Variants in XRCC4 observed in about 807,000 individuals in gnomAD.
XRCC4 encodes the protein X-ray repair cross complementing 4, also known as DNA repair protein XRCC4.
XRCC4 carries 28 observed loss-of-function variants against 39.1 expected under a neutral mutation model. The ratio of observed to expected loss-of-function variants is 0.72; its 90% CI spans 0.53 to 0.98. The LOEUF is 0.98. Among genes scored for constraint, XRCC4 ranks in the 50% least tolerant of loss-of-function variants. The pLI is 0.00. For synonymous variants in XRCC4, 123 were observed against 126.4 expected, an observed-to-expected ratio of 0.97 and a Z score of 0.18; for missense variants, 350 against 376.4, an observed-to-expected ratio of 0.93 and a Z score of 0.58.
chr5:83,158,414 T>G (rs1248518669), intron 3 of XRCC4, among the ~76,000 whole-genome samples: 1 of 152,136 alleles, frequency 6.6e-6, no homozygotes, highest in Non-Finnish European at 1.5e-5. Context: ...AAGACCAATA[T>G]AAAATCCTTT....
chr5:83,301,261 T>C (rs1334836328), intron 7 of XRCC4, among the ~76,000 whole-genome samples: 1 of 152,248 alleles, frequency 6.6e-6, no homozygotes, highest in Non-Finnish European at 1.5e-5. Flanking sequence ...GACTTTTTAA[T>C]GATCACCATT....
downstream of XRCC4, among the ~76,000 whole-genome samples, chr5:83,356,178 A>ACT (rs1757188025): frequency 6.6e-6 from 1 of 152,152 alleles, no homozygotes; most frequent in Non-Finnish European, 1.5e-5. Flanking sequence ...GTAATACTGA[A>ACT]CTTAGCACTA....
At chr5:83,280,369 C>T in intron 7 of XRCC4, 1 of 519,766 alleles carries the variant, frequency 1.9e-6, no homozygotes, top group Non-Finnish European at 3.6e-6. Context: ...CTTCATGTTT[C>T]TTGAATGTCT....
chr5:83,083,025 C>A (rs1223355075), intron 1 of XRCC4, among the ~76,000 whole-genome samples: 1 of 151,996 alleles, frequency 6.6e-6, no homozygotes, highest in Non-Finnish European at 1.5e-5. Context: ...GCTATTCCTT[C>A]ATAGCTTTTA....
At chr5:83,103,632 C>T (rs1212204305) in intron 1 of XRCC4, among the ~76,000 whole-genome samples, 1 of 152,212 alleles carries the variant, frequency 6.6e-6, no homozygotes, top group South Asian at 2.1e-4. Flanking sequence ...TTGTAATAGT[C>T]AAAATCTAGA....
chr5:83,235,445 CA>C (rs1752654597), intron 6 of XRCC4, among the ~76,000 whole-genome samples: 1 of 149,986 alleles, frequency 6.7e-6, no homozygotes, highest in Non-Finnish European at 1.5e-5. Context: ...GTTGTATCAA[CA>C]AAAATGGCCA....
chr5:83,191,610 G>T (rs1323015798), intron 3 of XRCC4, among the ~76,000 whole-genome samples: 1 of 152,208 alleles, frequency 6.6e-6, no homozygotes, highest in Non-Finnish European at 1.5e-5. Flanking sequence ...TGAGGCAGGA[G>T]AATCACTTGA....
At chr5:83,276,851 G>A (rs1754352821) in intron 7 of XRCC4, among the ~76,000 whole-genome samples, 2 of 151,108 alleles carry the variant, frequency 1.3e-5, no homozygotes, top group African/African-American at 2.5e-5. Flanking sequence ...ACAGAATCTT[G>A]TTATAATTTG....
At chr5:83,277,635 TAA>T (rs1754381526) in intron 7 of XRCC4, among the ~76,000 whole-genome samples, 2 of 152,208 alleles carry the variant, frequency 1.3e-5, no homozygotes, top group Admixed American at 1.3e-4. Flanking sequence ...TAAGAAACTA[TAA>T]AACAACATCG....
At chr5:83,265,953 T>A (rs181931293) in intron 7 of XRCC4, among the ~76,000 whole-genome samples, 46 of 152,262 alleles carry the variant, frequency 3.0e-4, no homozygotes, top group African/African-American at 1.1e-3. Context: ...CTCAGATGTC[T>A]GTTTTTAAAA....
chr5:83,302,866 C>G (rs1395502772), intron 7 of XRCC4, among the ~76,000 whole-genome samples: 6 of 151,842 alleles, frequency 4.0e-5, no homozygotes, highest in Non-Finnish European at 2.9e-5. Context: ...TATTTGTATC[C>G]CCATTTTATA....
chr5:83,097,124 A>G (rs558688104), intron 1 of XRCC4, among the ~76,000 whole-genome samples: 94 of 152,302 alleles, frequency 6.2e-4, no homozygotes, highest in Middle Eastern at 3.4e-3. Flanking sequence ...GTATTCAGAG[A>G]TGTGGTCAAA....
the XRCC4 span, among the ~76,000 whole-genome samples, chr5:83,368,664 C>T: frequency 3.9e-5 from 6 of 152,290 alleles, no homozygotes; most frequent in East Asian, 3.9e-4. Context: ...GGGTCATCAG[C>T]GAGCTCTAAT....
chr5:83,246,318 A>G (rs1753098945), intron 6 of XRCC4, among the ~76,000 whole-genome samples: 1 of 152,104 alleles, frequency 6.6e-6, no homozygotes, highest in Non-Finnish European at 1.5e-5. Flanking sequence ...GTACAAGACT[A>G]GAATATTCTC....
At chr5:83,129,927 G>A (rs371311618) in intron 3 of XRCC4, among the ~76,000 whole-genome samples, 15 of 152,040 alleles carry the variant, frequency 9.9e-5, no homozygotes, top group Non-Finnish European at 1.0e-4. Flanking sequence ...GGACAATTTG[G>A]CTTCCTCTTT....
At chr5:83,210,711 A>G (rs781390273) in intron 6 of XRCC4, among the ~76,000 whole-genome samples, 4 of 152,218 alleles carry the variant, frequency 2.6e-5, no homozygotes, top group Non-Finnish European at 5.9e-5. Flanking sequence ...TACATTCTCA[A>G]GAAAGATAGT....
At chr5:83,162,661 C>G (rs1230174929) in intron 3 of XRCC4, among the ~76,000 whole-genome samples, 1 of 152,026 alleles carries the variant, frequency 6.6e-6, no homozygotes, top group African/African-American at 2.4e-5. Flanking sequence ...ATATTTTTTT[C>G]TATGTGAATA....
At chr5:83,289,191 T>C (rs1754831866) in intron 7 of XRCC4, among the ~76,000 whole-genome samples, 1 of 151,920 alleles carries the variant, frequency 6.6e-6, no homozygotes, top group Non-Finnish European at 1.5e-5. Context: ...ACTTTTTCCA[T>C]TAGTATCTTT....
At chr5:83,253,692 A>G (rs1303707058) in intron 6 of XRCC4, among the ~76,000 whole-genome samples, 1 of 152,218 alleles carries the variant, frequency 6.6e-6, no homozygotes, top group Non-Finnish European at 1.5e-5. Flanking sequence ...AAAACAAATT[A>G]TAAACCTGAA....
Sources: gnomAD v4.1 joint callset for allele counts (sites outside exome capture counted in the v4.1 genomes callset) on GRCh38, gnomAD v4.1.1 for gene constraint, MANE v1.5 for transcripts, NCBI Gene and HGNC (gene_info 2026-07-23, HGNC 2026-07-21) for gene names.